Variants in PCDHGA6 observed in about 807,000 individuals in gnomAD.
PCDHGA6 encodes protocadherin gamma-A6.
A neutral mutation model predicts 60.6 loss-of-function variants in PCDHGA6; 41 were observed. The observed-to-expected ratio is 0.68, with a 90% CI of 0.53 to 0.88. The LOEUF is 0.88. PCDHGA6 is among the 40% of genes least tolerant of loss of function. The probability of loss-of-function intolerance (pLI) is 0.00; values close to 1 mark genes in which losing one functional copy is unlikely to be tolerated. For synonymous variants in PCDHGA6, 594 were observed against 524.4 expected, an observed-to-expected ratio of 1.13 and a Z score of -1.81; for missense variants, 1,312 against 1,203.0, an observed-to-expected ratio of 1.09 and a Z score of -1.34.
rs781695042 is a variant in PCDHGA6, at chr5:141,394,424, C to T, written c.2424+17917C>T. 6.2e-6 allele frequency: 10 copies of T among 1,614,104 alleles called. No individual in the cohort carries two copies. The African/African-American group carries it at 8.0e-5, about 13-fold the overall frequency. On this transcript the variant is annotated intron_variant, in intron 1 of 3. Transcript: ENST00000517434. The stretch of plus-strand genomic sequence containing the variant: ...AGCTACTGGTAACAGCCAGCGACAG[C>T]GGGGACCCGCCCCTCAGCAGCAACA...
intron 1 of PCDHGA6, among the ~76,000 whole-genome samples, chr5:141,468,273 C>T (rs894110332): frequency 1.4e-5 from 2 of 144,550 alleles, no homozygotes; most frequent in Non-Finnish European, 3.0e-5. Flanking sequence ...TGTGGTGAGC[C>T]GAGACCACGC....
intron 1 of PCDHGA6, among the ~76,000 whole-genome samples, chr5:141,397,293 A>T (rs1449132000): frequency 6.6e-6 from 1 of 152,220 alleles, no homozygotes; most frequent in African/African-American, 2.4e-5. Flanking sequence ...ACTTGAATGA[A>T]TATTTCCTGA....
intron 1 of PCDHGA6, chr5:141,383,806 A>C: frequency 6.2e-7 from 1 of 1,614,006 alleles, no homozygotes; most frequent in Non-Finnish European, 8.5e-7. Context: ...AGAAATATCA[A>C]CTTTAGAAGG....
intron 1 of PCDHGA6, among the ~76,000 whole-genome samples, chr5:141,461,764 C>T (rs1005862192): frequency 6.6e-6 from 1 of 152,118 alleles, no homozygotes; most frequent in East Asian, 1.9e-4. Context: ...AGCGATTCTC[C>T]TGCCTCAGCC....
At chr5:141,393,632 C>T (rs1477463079) in intron 1 of PCDHGA6, 1 of 1,613,930 alleles carries the variant, frequency 6.2e-7, no homozygotes, top group Non-Finnish European at 8.5e-7. Context: ...ATGAGGGAAT[C>T]AACGGAAAAG....
intron 1 of PCDHGA6, chr5:141,394,756 A>T (rs757241753): frequency 1.2e-6 from 2 of 1,613,324 alleles, no homozygotes; most frequent in Non-Finnish European, 1.7e-6. Flanking sequence ...GCCGTCCAGG[A>T]CCATGGCCAG....
intron 1 of PCDHGA6, among the ~76,000 whole-genome samples, chr5:141,401,758 G>A (rs573644467): frequency 6.6e-6 from 1 of 152,234 alleles, no homozygotes; most frequent in East Asian, 1.9e-4. Flanking sequence ...CCCATTACAT[G>A]GTATAAGTCT....
intron 1 of PCDHGA6, chr5:141,393,880 T>A (rs1561645063): frequency 6.2e-7 from 1 of 1,614,004 alleles, no homozygotes; most frequent in Non-Finnish European, 8.5e-7. Context: ...TTTAGCCCAG[T>A]GTTAGAAAAT....
intron 1 of PCDHGA6, chr5:141,400,584 A>G (rs745551734): frequency 1.9e-6 from 3 of 1,609,038 alleles, no homozygotes; most frequent in Non-Finnish European, 8.5e-7. Flanking sequence ...TATTTACATG[A>G]AACTATCGTA....
intron 1 of PCDHGA6, chr5:141,393,503 G>T: frequency 6.2e-7 from 1 of 1,614,028 alleles, no homozygotes; most frequent in Non-Finnish European, 8.5e-7. Context: ...GCATCCACGT[G>T]ACAGTGTTGG....
Position 141,511,348 on chromosome 5 carries a change from C to T in PCDHGA6, c.*175C>T. Reference sequence around the variant, plus strand: ...TGCCCAGTCAGCACCTACCCCTTCCCCCCCAGGGGGTTGAATATGCAAAAG... The same window carrying T: ...TGCCCAGTCAGCACCTACCCCTTCCTCCCCAGGGGGTTGAATATGCAAAAG... On this transcript the variant is annotated 3_prime_UTR_variant, in exon 4 of 4. Transcript: ENST00000517434. The T allele has an allele frequency of 7.1e-7, 1 of 1,404,104 alleles. No homozygotes were observed. The highest frequency in any genetic ancestry group is 9.5e-7 in the Non-Finnish European group (1 of 1,056,554). 87.0% of individuals were successfully genotyped at this position (1,404,104 alleles called of 1,614,324 possible). A position where few individuals can be genotyped will look rare whatever the true frequency, so the allele number is the denominator to read the frequency against.
rs777780708 is a variant in PCDHGA6, at chr5:141,489,934, G to C, written c.2425-4873G>C. ...AGGGACCACCCTTATCTCTGTCATC[G>C]TGCTGGACATCAATGATAATGCTCC... On this transcript the variant is annotated intron_variant, in intron 1 of 3. Transcript: ENST00000517434. The surrounding 1 kb of genome is among the most constrained non-coding windows in gnomAD (Gnocchi z 4.5). The C allele has an allele frequency of 1.4e-5, 23 of 1,614,176 alleles. No homozygotes were observed. Among genetic ancestry groups the C allele is most frequent in the Non-Finnish European group, 1.8e-5 (21 of 1,180,030 alleles).
chr5:141,393,776 C>G, intron 1 of PCDHGA6: 1 of 1,613,714 alleles, frequency 6.2e-7, no homozygotes, highest in Admixed American at 1.7e-5. Flanking sequence ...AAATACAAGC[C>G]GAAGATGTGG....
intron 3 of PCDHGA6, among the ~76,000 whole-genome samples, chr5:141,510,556 T>TA (rs2099881668): frequency 6.6e-6 from 1 of 152,178 alleles, no homozygotes; most frequent in African/African-American, 2.4e-5. Flanking sequence ...TTTGAGCACT[T>TA]ACATCTACCA....
chr5:141,472,856 C>T (rs1251907207), intron 1 of PCDHGA6, among the ~76,000 whole-genome samples: 5 of 150,296 alleles, frequency 3.3e-5, no homozygotes, highest in East Asian at 2.0e-4. Flanking sequence ...CATGGTGGCA[C>T]ATGCCTGTAT....
chr5:141,408,958 T>A, intron 1 of PCDHGA6: 8 of 1,613,670 alleles, frequency 5.0e-6, no homozygotes, highest in Non-Finnish European at 6.8e-6. Flanking sequence ...TTAGTCTTAG[T>A]GAAAATCTGC....
At chr5:141,437,660 G>A (rs1021986333) in intron 1 of PCDHGA6, among the ~76,000 whole-genome samples, 6 of 151,866 alleles carry the variant, frequency 4.0e-5, no homozygotes, top group Non-Finnish European at 5.9e-5. Flanking sequence ...ACATAGTTTC[G>A]AAGAGATGTT....
At position 141,497,121 on chromosome 5, in the gene PCDHGA6, G is replaced by T. The variant is rs185298630; in HGVS notation, c.2483+2256G>T. Among the ~76,000 whole-genome samples, 563 of 152,212 alleles carry T rather than the reference G, an allele frequency of 3.7e-3. 5 individuals are homozygous for T. The highest frequency in any genetic ancestry group is 0.011 in the Admixed American group (164 of 15,296). On this transcript the variant is annotated intron_variant, in intron 2 of 3. Coordinates refer to ENST00000517434, the MANE Select transcript of PCDHGA6 (RefSeq NM_018919.3). Reference sequence around the variant, plus strand: ...GAACTGCTTGAACCCGGAAGGCAGAGGTTGCAGTGAGCTGAGATCACGAAA... The same window carrying T: ...GAACTGCTTGAACCCGGAAGGCAGATGTTGCAGTGAGCTGAGATCACGAAA...
chr5:141,426,998 A>C (rs981827933), intron 1 of PCDHGA6: 8 of 456,664 alleles, frequency 1.8e-5, no homozygotes, highest in African/African-American at 1.6e-4. Flanking sequence ...ATAATGCCCC[A>C]GTTTTTAGCC....
Sources: allele counts gnomAD v4.1 joint callset (sites outside exome capture counted in the v4.1 genomes callset), GRCh38; gene constraint gnomAD v4.1.1; non-coding constraint Gnocchi (gnomAD v3.1); transcripts MANE v1.5; gene names NCBI Gene and HGNC (gene_info 2026-07-23, HGNC 2026-07-21).